Variants in NEK11 observed in about 807,000 individuals in gnomAD.
The protein encoded by NEK11 is serine/threonine-protein kinase Nek11.
In NEK11, 72 loss-of-function variants were observed where a neutral mutation model predicts 80.7. The ratio of observed to expected loss-of-function variants is 0.89; its 90% confidence interval spans 0.74 to 1.08. NEK11 has a LOEUF of 1.08. NEK11 is among the 50% of genes least tolerant of loss of function. NEK11 has a pLI of 0.00. For synonymous variants in NEK11, 251 were observed against 260.7 expected, an observed-to-expected ratio of 0.96 and a Z score of 0.36; for missense variants, 764 against 763.6, an observed-to-expected ratio of 1.00 and a Z score of -0.01.
At chr3:131,148,524 C>A (rs550932238) in intron 7 of NEK11, among the ~76,000 whole-genome samples, 1 of 151,938 alleles carries the variant, frequency 6.6e-6, no homozygotes, top group East Asian at 1.9e-4. Flanking sequence ...CAACAAATAT[C>A]TATATTGAGA....
At chr3:131,119,924 CTT>C (rs1183523627) in intron 5 of NEK11, among the ~76,000 whole-genome samples, 2 of 152,176 alleles carry the variant, frequency 1.3e-5, no homozygotes, top group African/African-American at 4.8e-5. Flanking sequence ...GGTCTTGACT[CTT>C]TATCCAATTT....
At chr3:131,090,820 A>T (rs1358628797) in intron 4 of NEK11, among the ~76,000 whole-genome samples, 1 of 152,110 alleles carries the variant, frequency 6.6e-6, no homozygotes, top group Non-Finnish European at 1.5e-5. Flanking sequence ...GCTGGAGTGC[A>T]GTGGTGCAAT....
At chr3:131,301,727 C>G (rs1419309021) in intron 17 of NEK11, among the ~76,000 whole-genome samples, 3 of 152,064 alleles carry the variant, frequency 2.0e-5, no homozygotes, top group Non-Finnish European at 4.4e-5. Flanking sequence ...GTAATAAAGC[C>G]TACTTGATCA....
At chr3:131,177,796 GAAC>G (rs1369327421) in intron 14 of NEK11, among the ~76,000 whole-genome samples, 1 of 152,154 alleles carries the variant, frequency 6.6e-6, no homozygotes, top group African/African-American at 2.4e-5. Flanking sequence ...GACACAGGAT[GAAC>G]AACAACATAC....
intron 15 of NEK11, among the ~76,000 whole-genome samples, chr3:131,241,233 C>T (rs138640513): frequency 6.5e-4 from 99 of 152,136 alleles, no homozygotes; most frequent in African/African-American, 2.1e-3. Flanking sequence ...TGTCATATTC[C>T]TTGACCCAGT....
chr3:131,099,468 A>G (rs2078021406), intron 4 of NEK11, among the ~76,000 whole-genome samples: 1 of 152,150 alleles, frequency 6.6e-6, no homozygotes, highest in Non-Finnish European at 1.5e-5. Flanking sequence ...TTGGTTCCAT[A>G]TGAATGTTAG....
At chr3:131,078,323 T>C (rs555751265) in intron 3 of NEK11, among the ~76,000 whole-genome samples, 1 of 152,290 alleles carries the variant, frequency 6.6e-6, no homozygotes, top group Admixed American at 6.5e-5. Context: ...CCAGCTTTTA[T>C]TGCTCTGGGA....
intron 17 of NEK11, among the ~76,000 whole-genome samples, chr3:131,337,173 T>G (rs2110243230): frequency 6.6e-6 from 1 of 152,370 alleles, no homozygotes; most frequent in African/African-American, 2.4e-5. Context: ...CACGTATGTT[T>G]ATTGTGGCAC....
chr3:131,233,680 C>T (rs2107900293), intron 15 of NEK11, among the ~76,000 whole-genome samples: 1 of 152,286 alleles, frequency 6.6e-6, no homozygotes, highest in East Asian at 1.9e-4. Flanking sequence ...ATCTCAGTTC[C>T]TGCATCTCTC....
At chr3:131,174,640 C>G in intron 14 of NEK11, 1 of 1,009,188 alleles carries the variant, frequency 9.9e-7, no homozygotes, top group African/African-American at 1.6e-5. Flanking sequence ...TGAGAAAGTA[C>G]AACTGGAATG....
intron 17 of NEK11, among the ~76,000 whole-genome samples, chr3:131,341,277 G>T (rs932085579): frequency 6.6e-6 from 1 of 152,060 alleles, no homozygotes; most frequent in Non-Finnish European, 1.5e-5. Context: ...GACTGATTTT[G>T]TTTTTGACCC....
At chr3:131,138,734 G>GTT (rs2086188164) in intron 7 of NEK11, among the ~76,000 whole-genome samples, 2 of 152,156 alleles carry the variant, frequency 1.3e-5, no homozygotes, top group Non-Finnish European at 2.9e-5. Flanking sequence ...AAGAGTCTTT[G>GTT]CCTTGTAATC....
rs140449548 is a variant in NEK11 at position 131,282,656 on chromosome 3, T to G, written c.1718+9082T>G. Among the ~76,000 whole-genome samples, 281 of 145,858 alleles carry G rather than the reference T, an allele frequency of 1.9e-3. 2 individuals are homozygous for G. The highest frequency in any genetic ancestry group is 3.0e-3 in the Non-Finnish European group (205 of 67,976). On this transcript the variant is annotated intron_variant, in intron 17 of 17. Coordinates refer to ENST00000383366, the MANE Select transcript of NEK11 (RefSeq NM_024800.5). ...ACCTCATAACTGATTCAGTCTCAGA[T>G]AGCCGGTTCACAAGTTCTTGAAATT...
At chr3:131,282,859 G>A (rs1462793893) in intron 17 of NEK11, among the ~76,000 whole-genome samples, 1 of 152,162 alleles carries the variant, frequency 6.6e-6, no homozygotes, top group Non-Finnish European at 1.5e-5. Context: ...TCCTAAGATA[G>A]GGTAGTAACA....
At chr3:131,104,581 G>A (rs2078895037) in intron 4 of NEK11, among the ~76,000 whole-genome samples, 1 of 152,118 alleles carries the variant, frequency 6.6e-6, no homozygotes, top group South Asian at 2.1e-4. Context: ...TTCAGATTGG[G>A]GTGGGGTGGC....
At chr3:131,195,358 C>G (rs2093959477) in intron 14 of NEK11, among the ~76,000 whole-genome samples, 1 of 151,960 alleles carries the variant, frequency 6.6e-6, no homozygotes, top group Non-Finnish European at 1.5e-5. Flanking sequence ...GCACTGAAAA[C>G]AAGAATGATT....
rs554576863 is a variant in NEK11, at chr3:131,192,382, C to T, written c.1399+21495C>T. ...TGCTGTATAAAACAGTATGGTGATTCGTCAAAAAATTAAACATGGAATTAC... is the reference window on the plus strand; with the variant it reads ...TGCTGTATAAAACAGTATGGTGATTTGTCAAAAAATTAAACATGGAATTAC... On this transcript the variant is annotated intron_variant, in intron 14 of 17. Coordinates refer to ENST00000383366, the MANE Select transcript of NEK11 (RefSeq NM_024800.5). Among the ~76,000 whole-genome samples the T allele has an allele frequency of 3.3e-3, 506 of 152,116 alleles. 3 individuals carry two copies. Among genetic ancestry groups the T allele is most frequent in the Middle Eastern group, 0.031 (9 of 294 alleles).
chr3:131,315,018 C>G (rs2096822244), intron 17 of NEK11, among the ~76,000 whole-genome samples: 1 of 152,060 alleles, frequency 6.6e-6, no homozygotes, highest in Non-Finnish European at 1.5e-5. Context: ...AGGTATACAA[C>G]ATGATGTTTT....
chr3:131,031,588 T>C (rs1295792197), intron 3 of NEK11, among the ~76,000 whole-genome samples: 1 of 152,202 alleles, frequency 6.6e-6, no homozygotes, highest in Non-Finnish European at 1.5e-5. Context: ...TTGAAACCTT[T>C]AGACTTAAGA....
Sources: gnomAD v4.1 joint callset for allele counts (sites outside exome capture counted in the v4.1 genomes callset) on GRCh38, gnomAD v4.1.1 for gene constraint, MANE v1.5 for transcripts, NCBI Gene and HGNC (gene_info 2026-07-23, HGNC 2026-07-21) for gene names.